The following KCND2 variants were observed in gnomAD, a reference collection of about 807,000 sequenced individuals.
The protein encoded by KCND2 is potassium voltage-gated channel subfamily D member 2.
KCND2 carries 16 observed loss-of-function variants against 54.4 expected under a neutral mutation model. The observed-to-expected ratio is 0.29, with a 90% CI of 0.20 to 0.45. The LOEUF is 0.45. Among genes scored for constraint, KCND2 ranks in the 20% least tolerant of loss-of-function variants. The pLI is 1.00. For missense variants in KCND2, 486 were observed against 824.2 expected, an observed-to-expected ratio of 0.59 and a Z score of 5.02; for synonymous variants, 317 against 310.7, an observed-to-expected ratio of 1.02 and a Z score of -0.21.
chr7:120,310,913 G>GC (rs1799727104), intron 1 of KCND2, among the ~76,000 whole-genome samples: 1 of 146,192 alleles, frequency 6.8e-6, no homozygotes, highest in Non-Finnish European at 1.5e-5. Context: ...TCCAGCCTGG[G>GC]CAACAGAGGG....
intron 1 of KCND2, among the ~76,000 whole-genome samples, chr7:120,723,415 T>C (rs1347251157): frequency 6.6e-6 from 1 of 152,194 alleles, no homozygotes; most frequent in African/African-American, 2.4e-5. Flanking sequence ...ATTAGTAGCA[T>C]CCAAGAGAAG....
chr7:120,623,036 G>T (rs1164733580), intron 1 of KCND2, among the ~76,000 whole-genome samples: 5 of 152,052 alleles, frequency 3.3e-5, no homozygotes, highest in Non-Finnish European at 2.9e-5. Context: ...GACAAGTTTG[G>T]ACAAAAAGAA....
rs1265674433 is a variant in KCND2 at position 120,741,578 on chromosome 7, A to G, written c.1323A>G (p.Ala441=). The G allele has an allele frequency of 6.2e-7, 1 of 1,613,308 alleles. No individual in the cohort carries two copies. Among genetic ancestry groups the G allele is most frequent in the African/African-American group, 1.3e-5 (1 of 74,904 alleles). ...TCCGGGCAGCCAAAAGCGGAAGCGC[A>G]AATGCTTACATGCAGAGCAAACGGA... is the stretch of plus-strand genomic sequence containing the variant. ...ARIRAAKSGS[A]NAYMQSKRNG... is the part of the protein sequence containing the mutation. The change falls in exon 3 of 6, where the codon GCA becomes GCG. Residue 441 remains alanine (A), a synonymous_variant. Transcript: ENST00000331113.
chr7:120,658,424 A>G (rs889215884), intron 1 of KCND2, among the ~76,000 whole-genome samples: 2 of 152,248 alleles, frequency 1.3e-5, no homozygotes, highest in African/African-American at 2.4e-5. Flanking sequence ...CGCAATGTCT[A>G]CTAAGTGACA....
intron 1 of KCND2, among the ~76,000 whole-genome samples, chr7:120,501,170 G>T (rs1415565310): frequency 1.3e-5 from 2 of 152,084 alleles, no homozygotes; most frequent in South Asian, 4.2e-4. Flanking sequence ...ATCATCTTGG[G>T]GAACAGACTC....
At chr7:120,685,474 T>C (rs1792188711) in intron 1 of KCND2, among the ~76,000 whole-genome samples, 1 of 152,150 alleles carries the variant, frequency 6.6e-6, no homozygotes, top group Admixed American at 6.6e-5. Flanking sequence ...GATATGTTGA[T>C]ATCGGATGCT....
chr7:120,574,803 C>G (rs1213688512), intron 1 of KCND2, among the ~76,000 whole-genome samples: 1 of 152,080 alleles, frequency 6.6e-6, no homozygotes, highest in East Asian at 1.9e-4. Flanking sequence ...TTTGCAACAT[C>G]AACAAAACAA....
intron 1 of KCND2, among the ~76,000 whole-genome samples, chr7:120,501,193 T>TGA (rs980829288): frequency 5.9e-5 from 9 of 152,142 alleles, no homozygotes; most frequent in African/African-American, 2.2e-4. Flanking sequence ...GGCACAGTAA[T>TGA]GACCTTGCCA....
At chr7:120,681,123 A>G (rs955894739) in intron 1 of KCND2, among the ~76,000 whole-genome samples, 1 of 152,110 alleles carries the variant, frequency 6.6e-6, no homozygotes, top group African/African-American at 2.4e-5. Flanking sequence ...AAGGAGACTT[A>G]TTTCAAACTA....
rs533944541 is a variant in KCND2 at position 120,748,064 on chromosome 7, A to AT, written c.*207dup. 1.6e-5 allele frequency: 8 copies of AT among 497,464 alleles called. No individual in the cohort carries two copies. In the South Asian group the frequency reaches 2.0e-4, roughly 13 times the overall value. 30.8% of individuals were successfully genotyped at this position (497,464 alleles called of 1,614,324 possible). ...ACAGTTTGACCTGTTATACAGAGTA[A>AT]TATTCTGTGGCCCTTTGACTTTGTG... On this transcript the variant is annotated 3_prime_UTR_variant, in exon 6 of 6. Transcript: ENST00000331113.
intron 3 of KCND2, among the ~76,000 whole-genome samples, chr7:120,741,925 T>A (rs1481100642): frequency 2.0e-5 from 3 of 152,138 alleles, no homozygotes; most frequent in Non-Finnish European, 4.4e-5. Flanking sequence ...TGCTTAATAA[T>A]TCAAATGCCT....
chr7:120,506,427 A>ATACTTTCAT (rs1303423512), intron 1 of KCND2, among the ~76,000 whole-genome samples: 1 of 151,826 alleles, frequency 6.6e-6, no homozygotes, highest in East Asian at 1.9e-4. Flanking sequence ...TACAGATGAG[A>ATACTTTCAT]TACTTTCATG....
rs578221867 is a variant in KCND2 at position 120,336,826 on chromosome 7, C to A, written c.1115+61079C>A. ...GGAAGATTAAAGGAAAAGCCCAAAT[C>A]AGTGTTTTTAGAAGGATCTCTAGGA... On this transcript the variant is annotated intron_variant, in intron 1 of 5. Transcript: ENST00000331113. Among the ~76,000 whole-genome samples, 101 of 152,206 alleles carry A rather than the reference C, an allele frequency of 6.6e-4. 1 individual carries two copies. The highest frequency in any genetic ancestry group is 2.4e-3 in the African/African-American group (100 of 41,556).
At chr7:120,605,417 A>T (rs1005121479) in intron 1 of KCND2, among the ~76,000 whole-genome samples, 1 of 152,242 alleles carries the variant, frequency 6.6e-6, no homozygotes, top group African/African-American at 2.4e-5. Flanking sequence ...TCAGTGATAC[A>T]GATTAATAAT....
chr7:120,425,845 C>T (rs755282764), intron 1 of KCND2, among the ~76,000 whole-genome samples: 2 of 152,328 alleles, frequency 1.3e-5, no homozygotes, highest in Non-Finnish European at 2.9e-5. Flanking sequence ...TTGACAGCTA[C>T]ACCTTTCTTT....
intron 1 of KCND2, among the ~76,000 whole-genome samples, chr7:120,524,597 A>G (rs1322544803): frequency 1.3e-5 from 2 of 152,210 alleles, no homozygotes; most frequent in East Asian, 3.8e-4. Flanking sequence ...CAGAAAGATA[A>G]TTGCTGAATT....
intron 1 of KCND2, among the ~76,000 whole-genome samples, chr7:120,557,984 A>G (rs1329660862): frequency 6.6e-6 from 1 of 152,126 alleles, no homozygotes; most frequent in Non-Finnish European, 1.5e-5. Flanking sequence ...AATAGTCCTA[A>G]TTGGCTAACT....
chr7:120,285,722 C>G (rs1300665348), intron 1 of KCND2, among the ~76,000 whole-genome samples: 1 of 151,722 alleles, frequency 6.6e-6, no homozygotes, highest in African/African-American at 2.4e-5. Context: ...TCTGCTATTA[C>G]TTTTTTAATA....
chr7:120,314,502 T>C (rs997401699), intron 1 of KCND2, among the ~76,000 whole-genome samples: 1 of 152,190 alleles, frequency 6.6e-6, no homozygotes, highest in African/African-American at 2.4e-5. Flanking sequence ...AGTAATAATT[T>C]GGCATTTCAT....
Sources: gnomAD v4.1 joint callset for allele counts (sites outside exome capture counted in the v4.1 genomes callset) on GRCh38, gnomAD v4.1.1 for gene constraint, MANE v1.5 for transcripts, NCBI Gene and HGNC (gene_info 2026-07-23, HGNC 2026-07-21) for gene names.